Variants in DDX10 observed in about 807,000 individuals in gnomAD.
The protein encoded by DDX10 is probable ATP-dependent RNA helicase DDX10.
Under a neutral mutation model 104.3 loss-of-function variants are expected in DDX10, and 74 were observed. That is an observed-to-expected ratio of 0.71 (90% CI 0.59 to 0.86). DDX10 has a LOEUF of 0.86. Ranked by LOEUF, DDX10 falls within the 40% of genes least tolerant of loss-of-function variation. The pLI, the probability that DDX10 is intolerant of heterozygous loss-of-function variation, is 0.00. For missense variants in DDX10, 952 were observed against 1,040.0 expected (o/e 0.92, Z 1.16); for synonymous variants, 351 against 353.4 (o/e 0.99, Z 0.08).
intron 9 of DDX10, among the ~76,000 whole-genome samples, chr11:108,695,596 T>G (rs577265750): frequency 6.6e-5 from 10 of 152,342 alleles, no homozygotes; most frequent in Non-Finnish European, 1.5e-4. Context: ...TTATATTTTT[T>G]GGGTAGCTTT....
intron 10 of DDX10, among the ~76,000 whole-genome samples, chr11:108,712,119 T>A (rs1411995102): frequency 6.6e-6 from 1 of 152,222 alleles, no homozygotes; most frequent in Non-Finnish European, 1.5e-5. Context: ...TATAGCTATT[T>A]TTGCTTTCTT....
At chr11:108,726,066 T>C (rs1223433836) in intron 13 of DDX10, among the ~76,000 whole-genome samples, 1 of 152,062 alleles carries the variant, frequency 6.6e-6, no homozygotes, top group African/African-American at 2.4e-5. Flanking sequence ...TTACCTTGAC[T>C]CTTTGAAAGT....
chr11:108,676,059 C>G (rs2094224637), intron 3 of DDX10, among the ~76,000 whole-genome samples: 1 of 152,208 alleles, frequency 6.6e-6, no homozygotes, highest in South Asian at 2.1e-4. Context: ...TGGTGGGAGA[C>G]AGTTTCTGCT....
chr11:108,816,874 G>T (rs1260819820), intron 13 of DDX10, among the ~76,000 whole-genome samples: 3 of 152,002 alleles, frequency 2.0e-5, no homozygotes, highest in Non-Finnish European at 2.9e-5. Flanking sequence ...CCTTCTAGTT[G>T]GTTTTCTTTT....
chr11:108,915,447 GTT>G (rs34587206), intron 16 of DDX10, among the ~76,000 whole-genome samples: 40 of 141,686 alleles, frequency 2.8e-4, no homozygotes, highest in African/African-American at 4.9e-4. Context: ...TTTTTTTTTG[GTT>G]TTTTTTTTTT....
chr11:108,683,009 G>A (rs2094237747), intron 6 of DDX10, among the ~76,000 whole-genome samples: 1 of 152,042 alleles, frequency 6.6e-6, no homozygotes, highest in South Asian at 2.1e-4. Context: ...ATGCCTTAAG[G>A]TCAGGTTGTC....
intron 15 of DDX10, among the ~76,000 whole-genome samples, chr11:108,844,932 C>A (rs1425284534): frequency 7.2e-5 from 11 of 152,168 alleles, no homozygotes; most frequent in Non-Finnish European, 1.6e-4. Context: ...CACGGTGGCT[C>A]ACGCCTGTAA....
rs1044010665 is a variant in DDX10, at chr11:108,722,991, T to C, written c.1500-6T>C. On this transcript the variant is annotated splice_region_variant and splice_polypyrimidine_tract_variant and intron_variant, in intron 12 of 17. Transcript: ENST00000322536. ...ATGACTGTTTTCACGTTTTTCCATA[T>C]TTAAGGTCTCTTGGTCTTGCTGTGG... 1.9e-6 allele frequency: 3 copies of C among 1,591,476 alleles called. No individual in the cohort carries two copies. Among genetic ancestry groups the C allele is most frequent in the Non-Finnish European group, 1.7e-6 (2 of 1,172,202 alleles).
chr11:108,845,133 G>A (rs377033336), intron 15 of DDX10, among the ~76,000 whole-genome samples: 1 of 152,056 alleles, frequency 6.6e-6, no homozygotes, highest in African/African-American at 2.4e-5. Context: ...GCATGAACCC[G>A]GGAGGCGGAG....
intron 13 of DDX10, among the ~76,000 whole-genome samples, chr11:108,762,749 T>C (rs2094352164): frequency 6.6e-6 from 1 of 152,170 alleles, no homozygotes; most frequent in African/African-American, 2.4e-5. Flanking sequence ...TATGTAAAAA[T>C]TATATACATT....
intron 13 of DDX10, among the ~76,000 whole-genome samples, chr11:108,818,285 T>C (rs1167735185): frequency 3.3e-5 from 5 of 152,220 alleles, no homozygotes; most frequent in African/African-American, 1.2e-4. Flanking sequence ...CCAAAGCAGG[T>C]TGAAAATTAA....
At chr11:108,876,977 G>C (rs955645396) in intron 16 of DDX10, among the ~76,000 whole-genome samples, 5 of 152,140 alleles carry the variant, frequency 3.3e-5, no homozygotes, top group African/African-American at 1.2e-4. Context: ...GGTTAGTCCA[G>C]CTGACCTCCC....
At chr11:108,934,734 T>C (rs553005150) in intron 17 of DDX10, among the ~76,000 whole-genome samples, 1 of 152,362 alleles carries the variant, frequency 6.6e-6, no homozygotes, top group Admixed American at 6.5e-5. Flanking sequence ...GCAGAAGTTG[T>C]GTTTGAAAAA....
chr11:108,692,809 G>A (rs1027828948), intron 8 of DDX10, among the ~76,000 whole-genome samples: 1 of 152,080 alleles, frequency 6.6e-6, no homozygotes, highest in Non-Finnish European at 1.5e-5. Context: ...CTACAGCCTC[G>A]ATCTACCAGG....
intron 6 of DDX10, 103 bp from the exon 7 acceptor site, chr11:108,688,833 C>T: frequency 2.3e-6 from 3 of 1,295,030 alleles, no homozygotes; most frequent in Non-Finnish European, 2.1e-6. Flanking sequence ...AGGAAATTTG[C>T]TTGAGAGATG....
chr11:108,871,655 G>T (rs1159830270), intron 16 of DDX10, among the ~76,000 whole-genome samples: 1 of 152,120 alleles, frequency 6.6e-6, no homozygotes, highest in Non-Finnish European at 1.5e-5. Context: ...TGGGCTGGGC[G>T]CGTTGGCTCA....
intron 13 of DDX10, among the ~76,000 whole-genome samples, chr11:108,777,614 T>A (rs1231552468): frequency 6.6e-6 from 1 of 152,172 alleles, no homozygotes; most frequent in Non-Finnish European, 1.5e-5. Context: ...TGAGCCACCA[T>A]GTCTGGCCAA....
chr11:108,758,637 A>T (rs1022459516), intron 13 of DDX10, among the ~76,000 whole-genome samples: 4 of 151,974 alleles, frequency 2.6e-5, no homozygotes, highest in African/African-American at 4.8e-5. Flanking sequence ...AACCACCCAC[A>T]TTGGCCTCTT....
chr11:108,840,040 T>C (rs1862615916), intron 14 of DDX10, among the ~76,000 whole-genome samples: 1 of 152,206 alleles, frequency 6.6e-6, no homozygotes, highest in African/African-American at 2.4e-5. Flanking sequence ...CTTAAAGCTC[T>C]GAAAGAAATG....
Sources: allele counts gnomAD v4.1 joint callset (sites outside exome capture counted in the v4.1 genomes callset), GRCh38; gene constraint gnomAD v4.1.1; transcripts MANE v1.5; gene names NCBI Gene and HGNC (gene_info 2026-07-23, HGNC 2026-07-21).